The following SLC5A4 variants were observed in gnomAD, a reference collection of about 807,000 sequenced individuals.
SLC5A4 encodes the protein probable glucose sensor protein SLC5A4.
Under a neutral mutation model 70.3 loss-of-function variants are expected in SLC5A4, and 55 were observed. The ratio of observed to expected loss-of-function variants is 0.78; its 90% CI spans 0.63 to 0.98. SLC5A4 has a LOEUF of 0.98. Among genes scored for constraint, SLC5A4 ranks in the 50% least tolerant of loss-of-function variants. SLC5A4 has a pLI of 0.00. For missense variants in SLC5A4, 735 were observed against 839.2 expected, an observed-to-expected ratio of 0.88 and a Z score of 1.53; for synonymous variants, 268 against 305.7, an observed-to-expected ratio of 0.88 and a Z score of 1.29.
the SLC5A4 span, among the ~76,000 whole-genome samples, chr22:32,342,416 C>T: frequency 6.6e-6 from 1 of 151,890 alleles, no homozygotes; most frequent in Non-Finnish European, 1.5e-5. Flanking sequence ...GTGAATGAGA[C>T]CTGGTAGATA....
chr22:32,352,539 G>A, the SLC5A4 span, among the ~76,000 whole-genome samples: 3 of 151,960 alleles, frequency 2.0e-5, no homozygotes, highest in African/African-American at 7.3e-5. Context: ...GCAGGAGGAG[G>A]GCGCCCTCCA....
the SLC5A4 span, among the ~76,000 whole-genome samples, chr22:32,269,160 G>A: frequency 6.6e-6 from 1 of 152,104 alleles, no homozygotes; most frequent in East Asian, 1.9e-4. The surrounding 1 kb of genome is among the most constrained non-coding windows in gnomAD (Gnocchi z 4.1). Context: ...CAAAGTGCTG[G>A]GATTACAGGC....
At chr22:32,306,515 G>C in the SLC5A4 span, among the ~76,000 whole-genome samples, 2 of 112,276 alleles carry the variant, frequency 1.8e-5, no homozygotes, top group African/African-American at 3.8e-5. Context: ...GAGCAACAGC[G>C]GTCAGTGAAA....
At chr22:32,270,436 A>G in the SLC5A4 span, 95 of 1,264,080 alleles carry the variant, frequency 7.5e-5, no homozygotes, top group Non-Finnish European at 1.0e-4. Context: ...CCTGGTGCCT[A>G]AGGAGGAGAA....
At chr22:32,309,838 G>A in the SLC5A4 span, among the ~76,000 whole-genome samples, 1 of 151,678 alleles carries the variant, frequency 6.6e-6, no homozygotes, top group African/African-American at 2.4e-5. Flanking sequence ...CGGGAAGGAG[G>A]GTGCTGTGGC....
upstream of SLC5A4, among the ~76,000 whole-genome samples, chr22:32,257,918 C>A (rs1205544838): frequency 6.7e-6 from 1 of 149,688 alleles, no homozygotes; most frequent in African/African-American, 2.5e-5. Flanking sequence ...AATTCTCCCG[C>A]CTTGGCCTCC....
chr22:32,317,257 C>T, the SLC5A4 span, among the ~76,000 whole-genome samples: 40 of 151,910 alleles, frequency 2.6e-4, no homozygotes, highest in Middle Eastern at 3.4e-3. Flanking sequence ...GGGATGCAGA[C>T]GAGCCAATGC....
the SLC5A4 span, among the ~76,000 whole-genome samples, chr22:32,308,302 G>C: frequency 7.7e-6 from 1 of 129,502 alleles, no homozygotes; most frequent in East Asian, 2.5e-4. Flanking sequence ...GCACCTCCAG[G>C]AACCCCATGT....
At chr22:32,230,813 C>T (rs1298471653) in intron 10 of SLC5A4, among the ~76,000 whole-genome samples, 155 bp downstream of exon 10, 1 of 152,186 alleles carries the variant, frequency 6.6e-6, no homozygotes, top group African/African-American at 2.4e-5. Flanking sequence ...AATTTTCAGG[C>T]CTAGCACAGA....
At chr22:32,307,108 C>T in the SLC5A4 span, among the ~76,000 whole-genome samples, 50,585 of 151,906 alleles carry the variant, frequency 0.33, 8,577 homozygotes, top group Admixed American at 0.42. Flanking sequence ...TCTATGTAAA[C>T]GGTATCCCTG....
the SLC5A4 span, among the ~76,000 whole-genome samples, chr22:32,307,525 G>A: frequency 1.3e-5 from 2 of 152,212 alleles, no homozygotes; most frequent in African/African-American, 2.4e-5. Flanking sequence ...TTCGGCAAGT[G>A]TCTGTTGAAT....
At chr22:32,323,423 A>G in the SLC5A4 span, among the ~76,000 whole-genome samples, 2 of 152,196 alleles carry the variant, frequency 1.3e-5, no homozygotes, top group Admixed American at 1.3e-4. Flanking sequence ...TGGATTCTGC[A>G]AGAGGCTGGA....
At chr22:32,285,443 C>T in the SLC5A4 span, among the ~76,000 whole-genome samples, 2 of 152,162 alleles carry the variant, frequency 1.3e-5, no homozygotes, top group African/African-American at 4.8e-5. Flanking sequence ...TCAATTTGTG[C>T]ATGTTCTCTG....
intron 5 of SLC5A4, among the ~76,000 whole-genome samples, chr22:32,240,717 G>T (rs1256259022): frequency 6.6e-6 from 1 of 152,078 alleles, no homozygotes; most frequent in African/African-American, 2.4e-5. Flanking sequence ...CTACCTGTCA[G>T]GTAGGTTATT....
chr22:32,331,063 T>C, the SLC5A4 span, among the ~76,000 whole-genome samples: 8,686 of 108,876 alleles, frequency 0.08, 177 homozygotes, highest in Non-Finnish European at 0.13. Context: ...TTGGAGGCTC[T>C]GGTGTGTATG....
upstream of SLC5A4, among the ~76,000 whole-genome samples, chr22:32,259,708 G>A (rs1458076730): frequency 6.6e-6 from 1 of 152,220 alleles, no homozygotes; most frequent in Non-Finnish European, 1.5e-5. Flanking sequence ...CAAGCCTCAT[G>A]TAATGAGTTA....
the SLC5A4 span, among the ~76,000 whole-genome samples, chr22:32,325,382 A>G: frequency 6.6e-6 from 1 of 150,714 alleles, no homozygotes; most frequent in East Asian, 2.1e-4. Flanking sequence ...TTGGGGAAAA[A>G]GTGATCGGGA....
the SLC5A4 span, among the ~76,000 whole-genome samples, chr22:32,310,822 C>G: frequency 6.6e-6 from 1 of 152,210 alleles, no homozygotes; most frequent in Non-Finnish European, 1.5e-5. Flanking sequence ...ATGGAGGATG[C>G]TTTATGCCCT....
At chr22:32,292,147 C>A in the SLC5A4 span, among the ~76,000 whole-genome samples, 6 of 29,544 alleles carry the variant, frequency 2.0e-4, 1 homozygote, top group African/African-American at 8.5e-4. Flanking sequence ...ATATTATATT[C>A]TATATATTAT....
Sources: gnomAD v4.1 joint callset for allele counts (sites outside exome capture counted in the v4.1 genomes callset) on GRCh38, gnomAD v4.1.1 for gene constraint, Gnocchi (gnomAD v3.1) non-coding constraint, MANE v1.5 for transcripts, NCBI Gene and HGNC (gene_info 2026-07-23, HGNC 2026-07-21) for gene names.